The following ARL6IP6 variants were observed in gnomAD, a reference collection of about 807,000 sequenced individuals.
ARL6IP6 encodes the protein ARF like GTPase 6 interacting protein 6.
In ARL6IP6, 22 loss-of-function variants were observed where a neutral mutation model predicts 21.5. The ratio of observed to expected loss-of-function variants is 1.02; its 90% CI spans 0.73 to 1.46. ARL6IP6 has a LOEUF of 1.46. Ranked by LOEUF, ARL6IP6 falls within the 40% of genes most tolerant of loss-of-function variation. The pLI is 0.00. For missense variants in ARL6IP6, 388 were observed against 299.8 expected (o/e 1.29, Z -2.17); for synonymous variants, 164 against 125.3 (o/e 1.31, Z -2.06).
chr2:152,732,232 G>A lies in ARL6IP6; in HGVS notation c.455-2762G>A, dbSNP rs187656378. 3.9e-5 allele frequency among the ~76,000 whole-genome samples: 6 copies of A among 152,080 alleles called. No individual in the cohort carries two copies. In the East Asian group the frequency reaches 7.7e-4, roughly 20 times the overall value. ...AGTTACTGGAGTAAAGAACATATAT[G>A]TGCATCATTTTAACAGATACTGCCA... On this transcript the variant is annotated intron_variant, in intron 2 of 3. Coordinates refer to ENST00000326446, the MANE Select transcript of ARL6IP6 (RefSeq NM_152522.7).
At chr2:152,732,620 A>G (rs1012002504) in intron 2 of ARL6IP6, 3 of 429,558 alleles carry the variant, frequency 7.0e-6, no homozygotes, top group African/African-American at 4.2e-5. Context: ...TCAATTTGAC[A>G]TTTTATTTTG....
intron 2 of ARL6IP6, among the ~76,000 whole-genome samples, chr2:152,733,613 A>G (rs1434600499): frequency 1.3e-5 from 2 of 152,146 alleles, no homozygotes; most frequent in African/African-American, 2.4e-5. Flanking sequence ...TTCAGTTCCT[A>G]TACTATTTCA....
intron 2 of ARL6IP6, among the ~76,000 whole-genome samples, chr2:152,724,856 T>C (rs1699963740): frequency 6.6e-6 from 1 of 151,994 alleles, no homozygotes; most frequent in South Asian, 2.1e-4. Flanking sequence ...GGGCTATATA[T>C]ACTTTGAACA....
At chr2:152,718,512 C>T (rs545077205), upstream of ARL6IP6, 11 of 1,438,928 alleles carry the variant, frequency 7.6e-6, no homozygotes, top group East Asian at 4.9e-5. Flanking sequence ...TGGTTTACCC[C>T]TGGGCTCTGA....
chr2:152,744,725 A>G (rs1327793118), intron 3 of ARL6IP6, among the ~76,000 whole-genome samples: 1 of 152,120 alleles, frequency 6.6e-6, no homozygotes, highest in Non-Finnish European at 1.5e-5. Flanking sequence ...TTCTTCTTCC[A>G]ACCACAAATA....
At chr2:152,734,911 T>G in intron 2 of ARL6IP6, 83 bp from the exon 3 acceptor site, 5 of 1,339,830 alleles carry the variant, frequency 3.7e-6, no homozygotes, top group Non-Finnish European at 5.2e-6. Flanking sequence ...GAAATATACA[T>G]GATCTGAACA....
At chr2:152,729,330 TTGTC>T (rs752469792) in intron 2 of ARL6IP6, among the ~76,000 whole-genome samples, 3 of 57,522 alleles carry the variant, frequency 5.2e-5, no homozygotes, top group South Asian at 8.2e-4. Flanking sequence ...GAGCCAGACT[TTGTC>T]TGTGTGTGTG....
chr2:152,736,126 A>G (rs1482952399), intron 3 of ARL6IP6, among the ~76,000 whole-genome samples: 1 of 152,182 alleles, frequency 6.6e-6, no homozygotes, highest in Non-Finnish European at 1.5e-5. Flanking sequence ...GCTTTCCAAT[A>G]AATTTTAGTT....
chr2:152,720,155 A>T, intron 1 of ARL6IP6: 1 of 100,392 alleles, frequency 1.0e-5, no homozygotes, highest in Admixed American at 2.2e-4. Flanking sequence ...TTGCTCGGAG[A>T]CATTGCCTTT....
At chr2:152,734,904 A>G (rs1276977562) in intron 2 of ARL6IP6, 90 bp from the exon 3 acceptor site, 3 of 1,296,686 alleles carry the variant, frequency 2.3e-6, no homozygotes, top group Non-Finnish European at 3.2e-6. Flanking sequence ...AAGATGAGAA[A>G]TATACATGAT....
intron 3 of ARL6IP6, among the ~76,000 whole-genome samples, chr2:152,752,094 C>G (rs1701361299): frequency 6.6e-6 from 1 of 152,138 alleles, no homozygotes; most frequent in South Asian, 2.1e-4. Flanking sequence ...GCTTATTCTT[C>G]TGGGATTAGG....
At chr2:152,739,929 A>G (rs1700731549) in intron 3 of ARL6IP6, among the ~76,000 whole-genome samples, 1 of 152,176 alleles carries the variant, frequency 6.6e-6, no homozygotes, top group African/African-American at 2.4e-5. Context: ...ATCAGGTCTC[A>G]AGAGACTCAC....
Position 152,718,710 on chromosome 2 carries a change from C to T in ARL6IP6, c.86C>T (p.Ser29Phe), listed in dbSNP as rs757871461. ...GGCCCTGTGGCTCGGCCATCGTATT[C>T]CTCCTTTACTCAGGGGGACAGCTGG... ...TPGPVARPSY[S>F]SFTQGDSWGE... Residue 29 changes from serine to phenylalanine, a missense_variant, in exon 1 of 4, where the codon TCC becomes TTC. Coordinates refer to ENST00000326446, the MANE Select transcript of ARL6IP6 (RefSeq NM_152522.7). 29 of 1,606,552 alleles carry T rather than the reference C, an allele frequency of 1.8e-5. No individual in the cohort carries two copies. The highest frequency in any genetic ancestry group is 5.3e-5 in the African/African-American group (4 of 74,776).
At chr2:152,741,138 G>C (rs1700789356) in intron 3 of ARL6IP6, among the ~76,000 whole-genome samples, 1 of 151,882 alleles carries the variant, frequency 6.6e-6, no homozygotes. Flanking sequence ...TAATATTAAT[G>C]TAAGCATTTT....
chr2:152,728,003 T>A (rs1010390782), intron 2 of ARL6IP6, among the ~76,000 whole-genome samples: 1 of 152,228 alleles, frequency 6.6e-6, no homozygotes, highest in Non-Finnish European at 1.5e-5. Flanking sequence ...TACCTGTGTG[T>A]CTTTTTACAT....
intron 2 of ARL6IP6, among the ~76,000 whole-genome samples, chr2:152,728,055 A>G (rs572054659): frequency 6.6e-6 from 1 of 152,164 alleles, no homozygotes; most frequent in Admixed American, 6.5e-5. Context: ...TTTAAAATAC[A>G]TGTTTTTTTC....
intron 3 of ARL6IP6, among the ~76,000 whole-genome samples, chr2:152,755,761 T>C (rs995614072): frequency 1.3e-5 from 2 of 152,186 alleles, no homozygotes; most frequent in Admixed American, 6.5e-5. Flanking sequence ...GAATTGGTGG[T>C]AGTGGTCCCC....
At chr2:152,733,379 C>T (rs1700415238) in intron 2 of ARL6IP6, among the ~76,000 whole-genome samples, 2 of 152,122 alleles carry the variant, frequency 1.3e-5, no homozygotes, top group South Asian at 2.1e-4. Flanking sequence ...ATTCTCCTGC[C>T]TCAGTCTCCC....
chr2:152,741,767 C>A (rs976449220), intron 3 of ARL6IP6, among the ~76,000 whole-genome samples: 3 of 152,148 alleles, frequency 2.0e-5, no homozygotes, highest in Admixed American at 2.0e-4. Context: ...TGGACTTCAA[C>A]AGGCATATTT....
Sources: allele counts gnomAD v4.1 joint callset (sites outside exome capture counted in the v4.1 genomes callset), GRCh38; gene constraint gnomAD v4.1.1; transcripts MANE v1.5; gene names NCBI Gene and HGNC (gene_info 2026-07-23, HGNC 2026-07-21).